The following GDA variants were observed in gnomAD, a reference collection of about 807,000 sequenced individuals.
GDA encodes cytoplasmic PSD-95 interactor.
GDA carries 18 observed loss-of-function variants against 59.6 expected under a neutral mutation model. The observed-to-expected ratio is 0.30, with a 90% CI of 0.21 to 0.45. GDA has a LOEUF of 0.45. Ranked by LOEUF, GDA falls within the 20% of genes least tolerant of loss-of-function variation. GDA has a pLI of 1.00. For synonymous variants in GDA, 201 were observed against 201.1 expected (o/e 1.00, Z 0.00); for missense variants, 427 against 552.3 (o/e 0.77, Z 2.27).
intron 1 of GDA, among the ~76,000 whole-genome samples, chr9:72,158,740 C>G (rs1828245123): frequency 6.6e-6 from 1 of 152,108 alleles, no homozygotes; most frequent in Non-Finnish European, 1.5e-5. Context: ...TTCTCACTCA[C>G]TGAAATGATT....
At chr9:72,156,857 C>T (rs76825762) in intron 1 of GDA, among the ~76,000 whole-genome samples, 9 of 151,960 alleles carry the variant, frequency 5.9e-5, no homozygotes, top group Admixed American at 3.3e-4. Context: ...GAAGCCCTGC[C>T]TTTTTTGGAT....
chr9:72,177,192 G>A (rs992536495), intron 1 of GDA, among the ~76,000 whole-genome samples: 9 of 147,748 alleles, frequency 6.1e-5, no homozygotes, highest in Non-Finnish European at 1.0e-4. Flanking sequence ...TCCACCTCCC[G>A]GGTTCACTTC....
intron 2 of GDA, among the ~76,000 whole-genome samples, chr9:72,199,560 T>G (rs2131315089): frequency 6.6e-6 from 1 of 152,294 alleles, no homozygotes; most frequent in Non-Finnish European, 1.5e-5. Context: ...ACCAAATATT[T>G]TAAAAGGGCG....
upstream of GDA, among the ~76,000 whole-genome samples, chr9:72,145,211 T>G (rs1432715008): frequency 6.6e-6 from 1 of 152,128 alleles, no homozygotes; most frequent in Non-Finnish European, 1.5e-5. Flanking sequence ...TAGATCTGAG[T>G]GTCACCAGCA....
intron 1 of GDA, among the ~76,000 whole-genome samples, chr9:72,189,579 G>A (rs563172994): frequency 6.6e-6 from 1 of 152,276 alleles, no homozygotes; most frequent in South Asian, 2.1e-4. Flanking sequence ...AGTGGCTCAT[G>A]CCTGTAATTC....
At chr9:72,205,969 C>T (rs756706243) in intron 3 of GDA, among the ~76,000 whole-genome samples, 3 of 152,118 alleles carry the variant, frequency 2.0e-5, no homozygotes, top group Non-Finnish European at 2.9e-5. Context: ...CTTTCCGTTT[C>T]AATTTCATCT....
downstream of GDA, among the ~76,000 whole-genome samples, chr9:72,258,952 G>A (rs370441680): frequency 2.6e-5 from 4 of 152,208 alleles, no homozygotes; most frequent in Admixed American, 2.0e-4. Flanking sequence ...GGGATGGTCA[G>A]AGCTCATGAA....
chr9:72,251,396 A>G lies in GDA; in HGVS notation c.*3054A>G, dbSNP rs754439222. On this transcript the variant is annotated 3_prime_UTR_variant, in exon 14 of 14. Coordinates refer to ENST00000358399, the MANE Select transcript of GDA (RefSeq NM_004293.5). ...AGACATATGGAGAGCTTTAAAGGCAAGCTGGAAGGCACATTGTATCAATTC... is the reference window on the plus strand; with the variant it reads ...AGACATATGGAGAGCTTTAAAGGCAGGCTGGAAGGCACATTGTATCAATTC... The G allele has an allele frequency of 2.6e-5, 4 of 153,010 alleles. No homozygotes were observed. The highest frequency in any genetic ancestry group is 5.8e-5 in the Non-Finnish European group (4 of 68,686). 9.5% of individuals were successfully genotyped at this position (153,010 alleles called of 1,614,324 possible). A position where few individuals can be genotyped will look rare whatever the true frequency, so the allele number is the denominator to read the frequency against.
chr9:72,140,145 G>A (rs983049477), intron 1 of GDA, among the ~76,000 whole-genome samples: 2 of 152,184 alleles, frequency 1.3e-5, no homozygotes, highest in Admixed American at 6.5e-5. Context: ...ACCTTGCCCC[G>A]GCTATAATGC....
chr9:72,158,794 A>G (rs1828251618), intron 1 of GDA, among the ~76,000 whole-genome samples: 1 of 151,604 alleles, frequency 6.6e-6, no homozygotes, highest in Non-Finnish European at 1.5e-5. Context: ...AAAAGGTAAC[A>G]CTTACTAAGT....
rs550868695 is a variant in GDA, at chr9:72,166,534, G to T, written c.123+16852G>T. 2.1e-4 allele frequency among the ~76,000 whole-genome samples: 32 copies of T among 152,144 alleles called. No homozygotes were observed. In the East Asian group the frequency reaches 5.6e-3, roughly 27 times the overall value. On this transcript the variant is annotated intron_variant, in intron 1 of 13. Transcript: ENST00000358399. ...GTAGCTAGAAGACAGAACTTGAAAT[G>T]TTCCCAACACATAGAAATAATAAAT...
chr9:72,243,203 A>G (rs1188327312), intron 11 of GDA, among the ~76,000 whole-genome samples: 1 of 152,152 alleles, frequency 6.6e-6, no homozygotes, highest in Non-Finnish European at 1.5e-5. Context: ...TCAAAACTCT[A>G]TTTCCTGAAA....
intron 1 of GDA, among the ~76,000 whole-genome samples, chr9:72,177,689 C>A (rs1830703245): frequency 6.6e-6 from 1 of 152,136 alleles, no homozygotes; most frequent in Non-Finnish European, 1.5e-5. Context: ...AAATTGTCAT[C>A]CTGCTTTTAA....
chr9:72,179,389 G>C (rs1830904689), intron 1 of GDA, among the ~76,000 whole-genome samples: 1 of 152,130 alleles, frequency 6.6e-6, no homozygotes, highest in African/African-American at 2.4e-5. Context: ...GAGTTGAAGG[G>C]AGATATGGCA....
rs370146217 is a variant in GDA at position 72,181,386 on chromosome 9, C to T, written c.124-14114C>T. 2.3e-4 allele frequency among the ~76,000 whole-genome samples: 35 copies of T among 152,160 alleles called. No individual in the cohort carries two copies. The East Asian group carries it at 2.5e-3, about 11-fold the overall frequency. On this transcript the variant is annotated intron_variant, in intron 1 of 13. Transcript: ENST00000358399. ...TGTTGCTTAGGCTGGAGTGCAGTGG[C>T]GCGATCTTGGCTCACTGAAACCTCC...
intron 1 of GDA, among the ~76,000 whole-genome samples, chr9:72,157,030 C>CT (rs544126638): frequency 0.026 from 2,756 of 104,090 alleles, 342 homozygotes; most frequent in African/African-American, 0.067. Context: ...TCTAGACTTC[C>CT]TTTTTTTTTT....
chr9:72,115,370 A>G (rs1056159949), intron 1 of GDA, among the ~76,000 whole-genome samples: 20 of 152,200 alleles, frequency 1.3e-4, no homozygotes, highest in Non-Finnish European at 5.9e-5. Flanking sequence ...CTAAAAGGGA[A>G]TGAGTTGACC....
chr9:72,148,934 C>A (rs1367032785), upstream of GDA, among the ~76,000 whole-genome samples: 2 of 152,190 alleles, frequency 1.3e-5, no homozygotes, highest in Non-Finnish European at 2.9e-5. Context: ...ACATTAGCCT[C>A]AAGGTGAAGA....
At chr9:72,183,020 A>G (rs1458206483) in intron 1 of GDA, among the ~76,000 whole-genome samples, 1 of 152,084 alleles carries the variant, frequency 6.6e-6, no homozygotes, top group African/African-American at 2.4e-5. Context: ...TACTTTTGGC[A>G]CAAAATTATG....
Sources: allele counts gnomAD v4.1 joint callset (sites outside exome capture counted in the v4.1 genomes callset), GRCh38; gene constraint gnomAD v4.1.1; transcripts MANE v1.5; gene names NCBI Gene and HGNC (gene_info 2026-07-23, HGNC 2026-07-21).